FCHSD1: variants seen among roughly 807,000 people sequenced by gnomAD.
FCHSD1 encodes the protein F-BAR and double SH3 domains protein 1.
A neutral mutation model predicts 101.3 loss-of-function variants in FCHSD1; 109 were observed. The ratio of observed to expected loss-of-function variants is 1.08; its 90% confidence interval spans 0.92 to 1.26. The LOEUF is 1.26. Ranked by LOEUF, FCHSD1 falls within the 50% of genes most tolerant of loss-of-function variation. The pLI is 0.00. For synonymous variants in FCHSD1, 291 were observed against 356.8 expected (o/e 0.82, Z 2.08); for missense variants, 820 against 895.8 (o/e 0.92, Z 1.08).
chr5:141,640,869 C>T lies in FCHSD1; in HGVS notation c.*629G>A, dbSNP rs1267205813. On this transcript the variant is annotated 3_prime_UTR_variant, in exon 20 of 20. Transcript: ENST00000435817. ...TCTCTTCTCCTTCCCCTGCCTGCAA[C>T]AGGCTGCCTGCCCCGCCTTCCCCAA... is the stretch of plus-strand genomic sequence containing the variant. 1.5e-5 allele frequency: 9 copies of T among 593,078 alleles called. No individual in the cohort carries two copies. The highest frequency in any genetic ancestry group is 2.4e-5 in the Non-Finnish European group (8 of 337,414). 36.7% of individuals were successfully genotyped at this position (593,078 alleles called of 1,614,324 possible). A position where few individuals can be genotyped will look rare whatever the true frequency, so the allele number is the denominator to read the frequency against.
intron 11 of FCHSD1, 58 bp from the exon 12 acceptor site, chr5:141,646,249 A>T (rs1170488081): frequency 7.0e-7 from 1 of 1,424,114 alleles, no homozygotes; most frequent in South Asian, 1.2e-5. Flanking sequence ...ATGACTTACT[A>T]TGGGACTGGT....
chr5:141,642,500 G>T (rs368341462), intron 18 of FCHSD1: 5 of 597,156 alleles, frequency 8.4e-6, no homozygotes, highest in African/African-American at 5.9e-5. Flanking sequence ...TGTACCTCCT[G>T]AATCTAAAAT....
Position 141,645,003 on chromosome 5 carries a change from C to T in FCHSD1, c.1440+17G>A. ...CCCCCACCCTTGCCCATCAGAGGTC[C>T]CCACCCCCATTCATACCTGATAGCG... On this transcript the variant is annotated intron_variant, in intron 14 of 19. Transcript: ENST00000435817. 1 of 1,613,648 alleles carries T rather than the reference C, an allele frequency of 6.2e-7. No homozygotes were observed. Among genetic ancestry groups the T allele is most frequent in the Non-Finnish European group, 8.5e-7 (1 of 1,179,660 alleles).
At position 141,649,892 on chromosome 5, in the gene FCHSD1, G is replaced by C; in HGVS notation, c.228C>G (p.Asp76Glu). The C allele has an allele frequency of 6.5e-7, 1 of 1,549,578 alleles. No individual in the cohort carries two copies. The stretch of plus-strand genomic sequence containing the variant: ...TCCCCCTCCATAGGGCCCACCTGCT[G>C]TCCATCTCACCGCTCCGGTGCCCTT... ...KREGHRSGEM[D>E]SRGRTVFGAW... The change falls in exon 4 of 20, where the codon GAC (aspartate) becomes GAG (glutamate). Residue 76 changes from aspartate (D) to glutamate (E), a missense_variant. Physicochemically the swap from Asp to Glu is conservative, Grantham distance 45. Coordinates refer to ENST00000435817, the MANE Select transcript of FCHSD1 (RefSeq NM_033449.3). The surrounding 1 kb of genome is among the most constrained non-coding windows in gnomAD (Gnocchi z 4.1).
rs748917090 is a variant in FCHSD1 at position 141,643,065 on chromosome 5, GGGA to G, written c.1884_1886del (p.Pro629del). On this transcript the variant is annotated inframe_deletion, in exon 18 of 20. Transcript: ENST00000435817. The stretch of plus-strand genomic sequence containing the variant: ...AGGTAGGTGCAGGTGGGGAGAAGCT[GGGA>G]GGAGAAGGGGACGGCAGCATCTGGA... 22 of 1,518,298 alleles carry G rather than the reference GGGA, an allele frequency of 1.4e-5. No individual in the cohort carries two copies. In the East Asian group the frequency reaches 3.6e-4, roughly 25 times the overall value. The allele number at this position is 1,518,298 out of a possible 1,614,324, so 94.1% of individuals were successfully genotyped here. A position where few individuals can be genotyped will look rare whatever the true frequency, so the allele number is the denominator to read the frequency against.
rs754382567 is a variant in FCHSD1, at chr5:141,644,468, G to A, written c.1643-30C>T. 6 of 1,610,226 alleles carry A rather than the reference G, an allele frequency of 3.7e-6. No homozygotes were observed. In the South Asian group the frequency reaches 6.6e-5, roughly 18 times the overall value. Reference sequence around the variant, plus strand: ...AGAGGCCCAGGAGAGACGGTGAGAGGGAGGTGGGTAGCAGTGCCCCAGGAC... The same window carrying A: ...AGAGGCCCAGGAGAGACGGTGAGAGAGAGGTGGGTAGCAGTGCCCCAGGAC... On this transcript the variant is annotated intron_variant, in intron 16 of 19. Transcript: ENST00000435817.
At chr5:141,646,364 G>T in intron 11 of FCHSD1, 173 bp from the exon 12 acceptor site, 1 of 910,028 alleles carries the variant, frequency 1.1e-6, no homozygotes, top group Non-Finnish European at 1.7e-6. Flanking sequence ...GTCCAGAGAG[G>T]TTAAGTCACT....
intron 2 of FCHSD1, 41 bp from the exon 3 acceptor site, chr5:141,650,445 T>C: frequency 1.2e-6 from 2 of 1,612,966 alleles, no homozygotes; most frequent in Non-Finnish European, 1.7e-6. Flanking sequence ...GGGGATAAGG[T>C]TATGTTTGGT....
At position 141,640,451 on chromosome 5, in the gene FCHSD1, T is replaced by G; in HGVS notation, c.*1047A>C. The stretch of plus-strand genomic sequence containing the variant: ...GGGAGCAGGGAGTATGTGAGGTGAG[T>G]CTGCCTGAGCCCTAAATGAGGTAAT... On this transcript the variant is annotated 3_prime_UTR_variant, in exon 20 of 20. Transcript: ENST00000435817. 2 of 1,614,082 alleles carry G rather than the reference T, an allele frequency of 1.2e-6. No homozygotes were observed. The highest frequency in any genetic ancestry group is 1.7e-6 in the Non-Finnish European group (2 of 1,179,984).
rs756634349 is a variant in FCHSD1, at chr5:141,640,022, G to C, written c.*1476C>G. The C allele has an allele frequency of 6.2e-7, 1 of 1,613,420 alleles. No individual in the cohort carries two copies. ...GCTCTGGTGGGGGACAGGACCCAGG[G>C]GGTGGTCAGGGGTCTGGGGGAGGGC... On this transcript the variant is annotated 3_prime_UTR_variant, in exon 20 of 20. Coordinates refer to ENST00000435817, the MANE Select transcript of FCHSD1 (RefSeq NM_033449.3).
rs923431365 is a variant in FCHSD1, at chr5:141,642,854, C to T, written c.1951+147G>A. 15 of 696,774 alleles carry T rather than the reference C, an allele frequency of 2.2e-5. No individual in the cohort carries two copies. In the African/African-American group the frequency reaches 2.8e-4, roughly 13 times the overall value. The allele number at this position is 696,774 out of a possible 1,614,324, so 43.2% of individuals were successfully genotyped here. ...ATGACAGAGCGGGACCTGAACCAGT[C>T]AGCCTGGCTCCAGAGCCCAGGCAAG... On this transcript the variant is annotated intron_variant, in intron 18 of 19. Transcript: ENST00000435817.
In FCHSD1 at chr5:141,641,140, T is replaced by G; in HGVS notation, c.*358A>C. On this transcript the variant is annotated 3_prime_UTR_variant, in exon 20 of 20. Coordinates refer to ENST00000435817, the MANE Select transcript of FCHSD1 (RefSeq NM_033449.3). ...CTCCCCAGCCCAACCCCAGTGACCCTGGCATCCAGAGTGGGGTGGGTCATG... is the reference window on the plus strand; with the variant it reads ...CTCCCCAGCCCAACCCCAGTGACCCGGGCATCCAGAGTGGGGTGGGTCATG... 3.2e-6 allele frequency: 1 copy of G among 314,312 alleles called. No homozygotes were observed. Among genetic ancestry groups the G allele is most frequent in the Admixed American group, 4.5e-5 (1 of 22,190 alleles). The allele number at this position is 314,312 out of a possible 1,614,324, so 19.5% of individuals were successfully genotyped here.
rs1334338364 is a variant in FCHSD1, at chr5:141,644,313, C to G, written c.1768G>C (p.Gly590Arg). The change falls in exon 17 of 20, where the codon GGA (glycine) becomes CGA (arginine). Residue 590 changes from glycine to arginine, a missense_variant. Transcript: ENST00000435817. Reference protein sequence around the residue: ...QDGVDDGFWRGEFGGRVGVFP... With the variant: ...QDGVDDGFWRREFGGRVGVFP... Reference sequence around the variant, plus strand: ...ACCCCAACACGGCCCCCAAATTCTCCCCTCCAGAAGCCGTCATCTACTCCA... The same window carrying G: ...ACCCCAACACGGCCCCCAAATTCTCGCCTCCAGAAGCCGTCATCTACTCCA... 1 of 1,613,792 alleles carries G rather than the reference C, an allele frequency of 6.2e-7. No homozygotes were observed. The highest frequency in any genetic ancestry group is 1.3e-5 in the African/African-American group (1 of 74,924).
chr5:141,640,234 C>G lies in FCHSD1; in HGVS notation c.*1264G>C. 6.2e-7 allele frequency: 1 copy of G among 1,614,164 alleles called. No individual in the cohort carries two copies. The highest frequency in any genetic ancestry group is 8.5e-7 in the Non-Finnish European group (1 of 1,180,000). ...AGGGCCGGAGGGAGGGGCCCAAGCC[C>G]AGGGCTGCCCACTCAAGAGGCAAAT... On this transcript the variant is annotated 3_prime_UTR_variant, in exon 20 of 20. Coordinates refer to ENST00000435817, the MANE Select transcript of FCHSD1 (RefSeq NM_033449.3).
Position 141,645,755 on chromosome 5 carries a change from T to G in FCHSD1, c.1311+16A>C. The G allele has an allele frequency of 1.2e-6, 2 of 1,607,780 alleles. No homozygotes were observed. Among genetic ancestry groups the G allele is most frequent in the Non-Finnish European group, 1.7e-6 (2 of 1,176,534 alleles). On this transcript the variant is annotated intron_variant, in intron 13 of 19. Transcript: ENST00000435817. Reference sequence around the variant, plus strand: ...CCTTCTAAGTAAGGATGGGTAGTGTTGGGGGAGGAGCTCACGGTTGGAGAG... The same window carrying G: ...CCTTCTAAGTAAGGATGGGTAGTGTGGGGGGAGGAGCTCACGGTTGGAGAG...
At position 141,641,552 on chromosome 5, in the gene FCHSD1, T is replaced by C; in HGVS notation, c.2019A>G (p.Pro673=). Reference sequence around the variant, plus strand: ...CCGGGGCTTTAGCCGGCGGGGGAGGTGGTGGACGCATCTGTAGGGAACACA... The same window carrying C: ...CCGGGGCTTTAGCCGGCGGGGGAGGCGGTGGACGCATCTGTAGGGAACACA... ...MAPRLRPMRP[P]PPPPAKAPDP... is the part of the protein sequence containing the mutation. The change falls in exon 20 of 20, where the codon CCA becomes CCG. Residue 673 remains proline (P), a synonymous_variant. Coordinates refer to ENST00000435817, the MANE Select transcript of FCHSD1 (RefSeq NM_033449.3). 1 of 1,526,024 alleles carries C rather than the reference T, an allele frequency of 6.6e-7. No individual in the cohort carries two copies. Among genetic ancestry groups the C allele is most frequent in the African/African-American group, 1.4e-5 (1 of 72,486 alleles). The allele number at this position is 1,526,024 out of a possible 1,614,324, so 94.5% of individuals were successfully genotyped here.
At chr5:141,643,502 A>G (rs539878635) in intron 17 of FCHSD1, among the ~76,000 whole-genome samples, 16 of 152,352 alleles carry the variant, frequency 1.1e-4, no homozygotes, top group African/African-American at 2.4e-4. Flanking sequence ...ATGTATATAC[A>G]TTATAACAAC....
rs1032656650 is a variant in FCHSD1, at chr5:141,651,113, T to C, written c.26A>G (p.Lys9Arg). 1 of 1,585,190 alleles carries C rather than the reference T, an allele frequency of 6.3e-7. No homozygotes were observed. The highest frequency in any genetic ancestry group is 8.6e-7 in the Non-Finnish European group (1 of 1,165,074). MQPPPRKV[K>R]PAQEVKLRFL... Reference sequence around the variant, plus strand: ...GCGAAGCTTCACCTCCTGGGCCGGCTTCACCTGTGGGGGCAAAGAGAGGAT... The same window carrying C: ...GCGAAGCTTCACCTCCTGGGCCGGCCTCACCTGTGGGGGCAAAGAGAGGAT... Residue 9 changes from lysine (K) to arginine (R), a missense_variant, in exon 2 of 20, where the codon AAG (lysine) becomes AGG (arginine). Lys to Arg is a conservative substitution (Grantham distance 26). Coordinates refer to ENST00000435817, the MANE Select transcript of FCHSD1 (RefSeq NM_033449.3).
Position 141,646,068 on chromosome 5 carries a change from C to T in FCHSD1, c.1149+19G>A, listed in dbSNP as rs779757616. On this transcript the variant is annotated intron_variant, in intron 12 of 19. Transcript: ENST00000435817. ...TTGCCTGAGAAGGTGGGATCTCTAA[C>T]CTCAGGGGTGTGCCTCACCTGTGCC... The T allele has an allele frequency of 6.2e-7, 1 of 1,600,170 alleles. No individual in the cohort carries two copies. The highest frequency in any genetic ancestry group is 8.5e-7 in the Non-Finnish European group (1 of 1,173,134).
Sources: allele counts gnomAD v4.1 joint callset (sites outside exome capture counted in the v4.1 genomes callset), GRCh38; gene constraint gnomAD v4.1.1; non-coding constraint Gnocchi (gnomAD v3.1); transcripts MANE v1.5; gene names NCBI Gene and HGNC (gene_info 2026-07-23, HGNC 2026-07-21).